Variants in UNC80 observed in about 807,000 individuals in gnomAD.
UNC80 encodes the protein protein unc-80 homolog.
Under a neutral mutation model 384.6 loss-of-function variants are expected in UNC80, and 164 were observed. That is an observed-to-expected ratio of 0.43 (90% CI 0.38 to 0.49). The LOEUF is 0.49. Ranked by LOEUF, UNC80 falls within the 20% of genes least tolerant of loss-of-function variation. The pLI, the probability that UNC80 is intolerant of heterozygous loss-of-function variation, is 0.00. For synonymous variants in UNC80, 1,486 were observed against 1,527.8 expected, an observed-to-expected ratio of 0.97 and a Z score of 0.64; for missense variants, 3,330 against 4,143.0, an observed-to-expected ratio of 0.80 and a Z score of 5.39.
In UNC80 at chr2:209,842,424, G is replaced by C. The variant is rs142553847; in HGVS notation, c.3432G>C (p.Glu1144Asp). The change falls in exon 21 of 65, where the codon GAG becomes GAC. Residue 1144 changes from glutamate (E) to aspartate (D), a missense_variant. Coordinates refer to ENST00000673920, the MANE Select transcript of UNC80 (RefSeq NM_001371986.1). ...GCATGGAAAATGGAAGAGATGAAGA[G>C]GAGAATTTCTTCAAGCGTCTTGGTA... Reference protein sequence around the residue: ...GSGMENGRDEEENFFKRLGCH... With the variant: ...GSGMENGRDEDENFFKRLGCH... The C allele has an allele frequency of 1.9e-6, 3 of 1,550,284 alleles. No individual in the cohort carries two copies. Among genetic ancestry groups the C allele is most frequent in the African/African-American group, 1.4e-5 (1 of 73,102 alleles).
rs7598071 is a variant in UNC80 at position 209,864,987 on chromosome 2, G to A, written c.3628-7771G>A. Among the ~76,000 whole-genome samples, 13 of 152,194 alleles carry A rather than the reference G, an allele frequency of 8.5e-5. No homozygotes were observed. In the South Asian group the frequency reaches 2.7e-3, roughly 32 times the overall value. Reference sequence around the variant, plus strand: ...CTCTGGTGGCGTGAGTTCGTGAGGGGCATCTTCGGATCTGTGGGTTGCACA... The same window carrying A: ...CTCTGGTGGCGTGAGTTCGTGAGGGACATCTTCGGATCTGTGGGTTGCACA... On this transcript the variant is annotated intron_variant, in intron 22 of 64. Transcript: ENST00000673920.
At position 209,842,341 on chromosome 2, in the gene UNC80, T is replaced by C; in HGVS notation, c.3358-9T>C. The stretch of plus-strand genomic sequence containing the variant: ...ATCTCTCTACTTTCCTTTTTTTTTC[T>C]TTTTTCAGGTCAAATTCACTAGTGC... On this transcript the variant is annotated splice_polypyrimidine_tract_variant and intron_variant, in intron 20 of 64. Coordinates refer to ENST00000673920, the MANE Select transcript of UNC80 (RefSeq NM_001371986.1). 1.9e-6 allele frequency: 3 copies of C among 1,541,272 alleles called. No homozygotes were observed. The highest frequency in any genetic ancestry group is 2.6e-6 in the Non-Finnish European group (3 of 1,142,352).
intron 61 of UNC80, among the ~76,000 whole-genome samples, chr2:209,987,765 A>G (rs2125028287): frequency 6.6e-6 from 1 of 152,292 alleles, no homozygotes; most frequent in East Asian, 1.9e-4. Flanking sequence ...AAGACTATAT[A>G]GTCTAGGTGA....
At chr2:209,924,363 C>G (rs552464081) in intron 35 of UNC80, among the ~76,000 whole-genome samples, 2 of 152,162 alleles carry the variant, frequency 1.3e-5, no homozygotes, top group South Asian at 4.2e-4. Context: ...CACTGAAATC[C>G]CTGCTCAGTT....
At position 209,941,306 on chromosome 2, in the gene UNC80, C is replaced by T. The variant is rs375767442; in HGVS notation, c.6732C>T (p.Ser2244=). The T allele has an allele frequency of 2.8e-5, 43 of 1,548,736 alleles. No individual in the cohort carries two copies. Among genetic ancestry groups the T allele is most frequent in the Middle Eastern group, 1.7e-4 (1 of 5,982 alleles). Residue 2244 remains serine (S), a synonymous_variant, in exon 44 of 65, where the codon AGC becomes AGT. Transcript: ENST00000673920. ...LLEEMFLGMP[S]EFPWGDEIML... ...AGGAAATGTTCCTGGGCATGCCGAG[C>T]GAGTTTCCATGGGGAGACGAAATCA...
At chr2:209,991,330 A>G (rs2093387407) in intron 61 of UNC80, among the ~76,000 whole-genome samples, 1 of 152,210 alleles carries the variant, frequency 6.6e-6, no homozygotes, top group Non-Finnish European at 1.5e-5. Flanking sequence ...CCCCACGCCC[A>G]TTATAAATAC....
At chr2:209,914,547 GC>G (rs1264900100) in intron 31 of UNC80, among the ~76,000 whole-genome samples, 1 of 126,614 alleles carries the variant, frequency 7.9e-6, no homozygotes, top group African/African-American at 3.1e-5. Context: ...CCTATGACCC[GC>G]CCCCCTCTCC....
At chr2:209,892,947 G>A (rs2086481833) in intron 26 of UNC80, among the ~76,000 whole-genome samples, 1 of 152,074 alleles carries the variant, frequency 6.6e-6, no homozygotes, top group Non-Finnish European at 1.5e-5. Context: ...AGCTCCATGG[G>A]GCCTTTACCA....
intron 30 of UNC80, among the ~76,000 whole-genome samples, chr2:209,912,893 A>G (rs1326245206): frequency 1.3e-5 from 2 of 152,056 alleles, no homozygotes; most frequent in Admixed American, 1.3e-4. Flanking sequence ...TTCGGTTCGA[A>G]CCACAGCTCT....
rs764424625 is a variant in UNC80, at chr2:209,817,911, C to T, written c.1652C>T (p.Pro551Leu). 29 of 1,551,502 alleles carry T rather than the reference C, an allele frequency of 1.9e-5. No homozygotes were observed. Among genetic ancestry groups the T allele is most frequent in the South Asian group, 4.8e-5 (4 of 84,042 alleles). ...HSHHTLVSDL[P>L]DPSNSHGENT... ...CATCACACCCTGGTAAGCGACCTGC[C>T]GGACCCCTCCAACAGCCATGGAGAA... Residue 551 changes from proline (P) to leucine (L), a missense_variant, in exon 11 of 65, where the codon CCG (proline) becomes CTG (leucine). This residue lies in a region of UNC80 where 937 missense variants were observed against 1,026.8 expected (regional missense o/e 0.91). Transcript: ENST00000673920.
At chr2:209,901,247 T>A (rs773378152) in intron 28 of UNC80, among the ~76,000 whole-genome samples, 8 of 152,182 alleles carry the variant, frequency 5.3e-5, no homozygotes, top group Non-Finnish European at 1.0e-4. Flanking sequence ...ATTCTCTTGT[T>A]AGGGGTTAAT....
intron 25 of UNC80, among the ~76,000 whole-genome samples, chr2:209,882,397 C>T (rs928880725): frequency 4.6e-4 from 70 of 152,132 alleles, no homozygotes; most frequent in Non-Finnish European, 7.4e-5. Context: ...TCTGGTTTTC[C>T]GGAGTTCTAG....
intron 8 of UNC80, among the ~76,000 whole-genome samples, chr2:209,814,777 G>A (rs962432976): frequency 3.3e-5 from 5 of 152,106 alleles, no homozygotes; most frequent in African/African-American, 1.2e-4. Flanking sequence ...GACTTGTAGT[G>A]TGTTCCAGTT....
At chr2:209,849,839 G>A (rs2082397877) in intron 22 of UNC80, among the ~76,000 whole-genome samples, 1 of 152,052 alleles carries the variant, frequency 6.6e-6, no homozygotes, top group Non-Finnish European at 1.5e-5. Flanking sequence ...GAAGGCTCTG[G>A]AATCAGACTG....
chr2:209,862,649 CTTTTT>C (rs71043955), intron 22 of UNC80, among the ~76,000 whole-genome samples: 1 of 78,824 alleles, frequency 1.3e-5, no homozygotes, highest in African/African-American at 6.1e-5. Context: ...GCAACCTCTG[CTTTTT>C]TTTTTTTTTT....
intron 38 of UNC80, among the ~76,000 whole-genome samples, chr2:209,932,463 A>C (rs957866467): frequency 6.6e-6 from 1 of 152,114 alleles, no homozygotes; most frequent in African/African-American, 2.4e-5. Flanking sequence ...CCAAAGAGGG[A>C]CTGGAGATGA....
intron 22 of UNC80, among the ~76,000 whole-genome samples, chr2:209,866,533 C>CACAGAGAGAGAGAG (rs1307214321): frequency 9.6e-6 from 1 of 104,086 alleles, no homozygotes; most frequent in Non-Finnish European, 2.0e-5. Flanking sequence ...CACACACACA[C>CACAGAGAGAGAGAG]AGAGAGAGAG....
chr2:209,857,848 C>T (rs1431219722), intron 22 of UNC80, among the ~76,000 whole-genome samples: 1 of 152,006 alleles, frequency 6.6e-6, no homozygotes, highest in Non-Finnish European at 1.5e-5. Context: ...TTTATAAAAT[C>T]CAGGGTTTTG....
intron 22 of UNC80, among the ~76,000 whole-genome samples, chr2:209,866,486 ACCCC>A (rs67328888): frequency 0.16 from 17,508 of 109,014 alleles, 1,496 homozygotes; most frequent in African/African-American, 0.27. Context: ...TACAAAATGC[ACCCC>A]CACACACACA....
Sources: gnomAD v4.1 joint callset for allele counts (sites outside exome capture counted in the v4.1 genomes callset) on GRCh38, gnomAD v4.1.1 for gene constraint, gnomAD v4.1.1 regional missense constraint, MANE v1.5 for transcripts, NCBI Gene and HGNC (gene_info 2026-07-23, HGNC 2026-07-21) for gene names.